NEO1: variants seen among roughly 807,000 people sequenced by gnomAD.
NEO1 encodes the protein neogenin 1.
Under a neutral mutation model 159.7 loss-of-function variants are expected in NEO1, and 63 were observed. That is an observed-to-expected ratio of 0.39 (90% CI 0.32 to 0.49). The LOEUF (loss-of-function observed/expected upper bound fraction) is 0.49, where lower values mean the gene tolerates loss of function less well. NEO1 is among the 20% of genes least tolerant of loss of function. The pLI is 0.85. For missense variants in NEO1, 1,615 were observed against 1,831.0 expected (o/e 0.88, Z 2.15); for synonymous variants, 633 against 662.0 (o/e 0.96, Z 0.67).
chr15:73,282,354 C>G (rs2041759398), intron 22 of NEO1, among the ~76,000 whole-genome samples: 1 of 152,174 alleles, frequency 6.6e-6, no homozygotes, highest in Non-Finnish European at 1.5e-5. Flanking sequence ...CACCTTAGTA[C>G]CTAGAACAAT....
intron 1 of NEO1, among the ~76,000 whole-genome samples, chr15:73,099,257 TA>T (rs1313074979): frequency 2.1e-4 from 32 of 152,218 alleles, no homozygotes; most frequent in African/African-American, 7.2e-4. Context: ...ACAAGTGTGT[TA>T]TCAAACTTTT....
rs770592613 is a variant in NEO1 at position 73,122,722 on chromosome 15, G to A, written c.646G>A (p.Gly216Ser). The A allele has an allele frequency of 1.2e-6, 2 of 1,614,170 alleles. No individual in the cohort carries two copies. Among genetic ancestry groups the A allele is most frequent in the Non-Finnish European group, 1.7e-6 (2 of 1,180,026 alleles). Residue 216 changes from glycine (G) to serine (S), a missense_variant, in exon 3 of 29, where the codon GGC (glycine) becomes AGC (serine). Coordinates refer to ENST00000261908, the MANE Select transcript of NEO1 (RefSeq NM_002499.4). ...TATCAGCAATGCAACTGAAGGAGAT[G>A]GCGGGCTTTATCGCTGCGTAGTGGA... ...LVISNATEGD[G>S]GLYRCVVESG...
intron 18 of NEO1, among the ~76,000 whole-genome samples, chr15:73,271,777 C>T (rs575333434): frequency 1.9e-3 from 296 of 151,848 alleles, no homozygotes; most frequent in Non-Finnish European, 3.3e-3. Flanking sequence ...TGTGGTGGTG[C>T]GCACCTGTAA....
chr15:73,278,162 G>A lies in NEO1; in HGVS notation c.3225G>A (p.Leu1075=), dbSNP rs765886259. Reference sequence around the variant, plus strand: ...GGTCTGGAGGGAAAGGAAGCCGGCTGCCAGACCTAGGATCCGACTACAAAC... The same window carrying A: ...GGTCTGGAGGGAAAGGAAGCCGGCTACCAGACCTAGGATCCGACTACAAAC... ...ASGSGGKGSR[L]PDLGSDYKPP... is the part of the protein sequence containing the mutation. The change falls in exon 22 of 29, where the codon CTG becomes CTA. Residue 1075 remains leucine (L), a synonymous_variant. Transcript: ENST00000261908. 1.2e-6 allele frequency: 2 copies of A among 1,613,406 alleles called. No homozygotes were observed. Among genetic ancestry groups the A allele is most frequent in the Admixed American group, 1.7e-5 (1 of 60,016 alleles).
rs181108024 is a variant in NEO1 at position 73,201,051 on chromosome 15, T to C, written c.1291+22624T>C. 3.1e-3 allele frequency among the ~76,000 whole-genome samples: 471 copies of C among 152,160 alleles called. 1 individual carries two copies. Among genetic ancestry groups the C allele is most frequent in the African/African-American group, 0.011 (441 of 41,534 alleles). The stretch of plus-strand genomic sequence containing the variant: ...CTCTTTCATATCTGATATTAGTAAT[T>C]TGTGGCTTCTCTTTCTTTTTCCCTT... On this transcript the variant is annotated intron_variant, in intron 7 of 28. Transcript: ENST00000261908.
chr15:73,152,499 C>A (rs1421797373), intron 5 of NEO1, among the ~76,000 whole-genome samples: 1 of 152,222 alleles, frequency 6.6e-6, no homozygotes, highest in East Asian at 1.9e-4. Context: ...TCACCCTACA[C>A]ATTTCCTCAT....
chr15:73,244,167 C>T (rs1342020305), intron 8 of NEO1, among the ~76,000 whole-genome samples, 177 bp from the exon 9 acceptor site: 1 of 152,170 alleles, frequency 6.6e-6, no homozygotes, highest in African/African-American at 2.4e-5. Flanking sequence ...GATACGTATG[C>T]CCTTGCTCTT....
intron 26 of NEO1, among the ~76,000 whole-genome samples, chr15:73,295,595 A>G (rs1156370034): frequency 6.6e-6 from 1 of 152,104 alleles, no homozygotes; most frequent in Admixed American, 6.6e-5. Flanking sequence ...CATTACTGAG[A>G]GAGGCCATGC....
Position 73,294,097 on chromosome 15 carries a change from C to T in NEO1, c.3901+549C>T, listed in dbSNP as rs531331404. 3.3e-5 allele frequency among the ~76,000 whole-genome samples: 5 copies of T among 152,190 alleles called. No homozygotes were observed. The East Asian group carries it at 5.8e-4, about 18-fold the overall frequency. On this transcript the variant is annotated intron_variant, in intron 26 of 28. Transcript: ENST00000261908. ...CCTCAGGATTATTAAAATTAGGAAG[C>T]GATGCACAGGAATAGATCCTCTCTG...
intron 23 of NEO1, among the ~76,000 whole-genome samples, chr15:73,284,164 A>G (rs2041846466): frequency 2.5e-5 from 2 of 79,688 alleles, no homozygotes; most frequent in South Asian, 1.0e-3. Flanking sequence ...AATAGATAGA[A>G]AAAAAAAAGG....
chr15:73,154,517 A>G (rs1333743541), intron 5 of NEO1, among the ~76,000 whole-genome samples: 2 of 152,126 alleles, frequency 1.3e-5, no homozygotes, highest in African/African-American at 2.4e-5. Flanking sequence ...TCTGGTAACC[A>G]TCATTCTACT....
At chr15:73,249,918 T>A (rs2039988229) in intron 11 of NEO1, among the ~76,000 whole-genome samples, 197 bp downstream of exon 11, 1 of 152,248 alleles carries the variant, frequency 6.6e-6, no homozygotes, top group South Asian at 2.1e-4. Flanking sequence ...ATTGAGTTGC[T>A]GTAAAGATTC....
chr15:73,130,316 C>T lies in NEO1; in HGVS notation c.878+3746C>T, dbSNP rs143400093. Among the ~76,000 whole-genome samples the T allele has an allele frequency of 4.1e-3, 610 of 150,388 alleles. 7 individuals carry two copies. Among genetic ancestry groups the T allele is most frequent in the African/African-American group, 0.013 (554 of 41,248 alleles). ...TGTGGGCTCAGTTTCCCGCCCCCCC[C>T]GCCGCATAAGACCCTTTCAGGAACC... On this transcript the variant is annotated intron_variant, in intron 4 of 28. Coordinates refer to ENST00000261908, the MANE Select transcript of NEO1 (RefSeq NM_002499.4).
chr15:73,171,022 T>C (rs1265055883), intron 5 of NEO1, among the ~76,000 whole-genome samples: 1 of 151,370 alleles, frequency 6.6e-6, no homozygotes, highest in Non-Finnish European at 1.5e-5. Flanking sequence ...AAAACTAGCC[T>C]GACTCCAATC....
At chr15:73,284,479 C>T (rs1284027557) in intron 23 of NEO1, among the ~76,000 whole-genome samples, 1 of 151,666 alleles carries the variant, frequency 6.6e-6, no homozygotes, top group Admixed American at 6.6e-5. Context: ...TTCTTTTGCC[C>T]AAATGAAATA....
chr15:73,221,760 G>A (rs62017790), intron 7 of NEO1: 3,261 of 155,830 alleles, frequency 0.021, 73 homozygotes, highest in Non-Finnish European at 0.029. Context: ...CTCCTGGTGC[G>A]CCGTTTTTTA....
chr15:73,154,059 T>A (rs2151849479), intron 5 of NEO1, among the ~76,000 whole-genome samples: 1 of 152,340 alleles, frequency 6.6e-6, no homozygotes, highest in South Asian at 2.1e-4. Flanking sequence ...ATTTTTAAAA[T>A]ATCTTTCATA....
intron 28 of NEO1, among the ~76,000 whole-genome samples, chr15:73,302,274 G>C (rs186714175): frequency 6.6e-6 from 1 of 151,982 alleles, no homozygotes; most frequent in Non-Finnish European, 1.5e-5. Flanking sequence ...TTCTCTAAGC[G>C]GAAAGCTTGG....
At chr15:73,128,832 A>G (rs1189904034) in intron 4 of NEO1, among the ~76,000 whole-genome samples, 1 of 152,212 alleles carries the variant, frequency 6.6e-6, no homozygotes, top group Non-Finnish European at 1.5e-5. Context: ...TTCCTGAAAC[A>G]TCCAATTTTA....
Sources: gnomAD v4.1 joint callset for allele counts (sites outside exome capture counted in the v4.1 genomes callset) on GRCh38, gnomAD v4.1.1 for gene constraint, MANE v1.5 for transcripts, NCBI Gene and HGNC (gene_info 2026-07-23, HGNC 2026-07-21) for gene names.